Variants in KCTD10 observed in about 807,000 individuals in gnomAD.
KCTD10 encodes the protein BTB/POZ domain-containing adapter for CUL3-mediated RhoA degradation protein 3.
Under a neutral mutation model 34.6 loss-of-function variants are expected in KCTD10, and 13 were observed. The observed-to-expected ratio is 0.38, with a 90% confidence interval of 0.24 to 0.60. KCTD10 has a LOEUF of 0.60. Ranked by LOEUF, KCTD10 falls within the 20% of genes least tolerant of loss-of-function variation. The probability of loss-of-function intolerance (pLI) is 0.66; values close to 1 mark genes in which losing one functional copy is unlikely to be tolerated. For synonymous variants in KCTD10, 156 were observed against 168.8 expected (o/e 0.92, Z 0.59); for missense variants, 256 against 420.3 (o/e 0.61, Z 3.42).
chr12:109,475,059 A>G (rs1874088256), intron 1 of KCTD10, among the ~76,000 whole-genome samples: 1 of 152,196 alleles, frequency 6.6e-6, no homozygotes, highest in Middle Eastern at 3.2e-3. Context: ...CAAAACCCTC[A>G]GAGAATGAAT....
chr12:109,477,219 GCCGCCCTCAACCCCTAGTCCATGGGCA>G lies in KCTD10; in HGVS notation c.3+14_3+40del, dbSNP rs1282903543. The G allele has an allele frequency of 6.2e-7, 1 of 1,611,404 alleles. No homozygotes were observed. Among genetic ancestry groups the G allele is most frequent in the Non-Finnish European group, 8.5e-7 (1 of 1,178,736 alleles). ...ACTCTGCTGCTGCCCAGCTCCCTCGGCCGCCCTCAACCCCTAGTCCATGGGCACCGCCCTCCCTACCATGAAAAGTCG... is the reference window on the plus strand; with the variant it reads ...ACTCTGCTGCTGCCCAGCTCCCTCGGCCGCCCTCCCTACCATGAAAAGTCG... On this transcript the variant is annotated intron_variant, in intron 1 of 6. Transcript: ENST00000228495.
intron 1 of KCTD10, chr12:109,470,583 G>A (rs866624025): frequency 1.3e-5 from 13 of 985,316 alleles, no homozygotes; most frequent in Middle Eastern, 5.2e-4. Context: ...GCAAGGGTGG[G>A]CAGAATCTTT....
chr12:109,458,994 T>C (rs955187809), intron 3 of KCTD10: 2 of 152,180 alleles, frequency 1.3e-5, no homozygotes, highest in African/African-American at 2.4e-5. Context: ...TCAGATTACA[T>C]GTGAAAAGCC....
In KCTD10 at chr12:109,451,856, C is replaced by T; in HGVS notation, c.724-43G>A. The T allele has an allele frequency of 6.5e-7, 1 of 1,535,224 alleles. No homozygotes were observed. Among genetic ancestry groups the T allele is most frequent in the South Asian group, 1.2e-5 (1 of 80,826 alleles). ...ACAGGGCAGGTAAGTTATGGCCCAC[C>T]CCCTCTGCCAACACCTGGACTTTAA... On this transcript the variant is annotated intron_variant, in intron 6 of 6. Coordinates refer to ENST00000228495, the MANE Select transcript of KCTD10 (RefSeq NM_031954.5). This position sits in a 1 kb window ranked among gnomAD's most constrained non-coding sequence, Gnocchi z 5.0.
intron 2 of KCTD10, 95 bp downstream of exon 2, chr12:109,469,420 T>C (rs971417779): frequency 8.9e-6 from 13 of 1,455,890 alleles, no homozygotes; most frequent in South Asian, 2.6e-5. Flanking sequence ...CTCCTACACA[T>C]CTTCAGGTCT....
chr12:109,473,081 T>C (rs191774592), intron 1 of KCTD10, among the ~76,000 whole-genome samples: 234 of 152,318 alleles, frequency 1.5e-3, no homozygotes, highest in African/African-American at 5.5e-3. Context: ...TATTTCCATT[T>C]TGTGGATTTG....
In KCTD10 at chr12:109,456,038, T is replaced by C. The variant is rs923786051; in HGVS notation, c.723+80A>G. The C allele has an allele frequency of 3.0e-6, 4 of 1,312,160 alleles. No homozygotes were observed. In the African/African-American group the frequency reaches 4.4e-5, roughly 14 times the overall value. The allele number at this position is 1,312,160 out of a possible 1,614,324, so 81.3% of individuals were successfully genotyped here. A position where few individuals can be genotyped will look rare whatever the true frequency, so the allele number is the denominator to read the frequency against. On this transcript the variant is annotated intron_variant, in intron 6 of 6. Coordinates refer to ENST00000228495, the MANE Select transcript of KCTD10 (RefSeq NM_031954.5). ...AGCATTTTAAAAGCATTTCCCTCTGTATTGGGCTCAAGTGAAAGGAAGTTC... is the reference window on the plus strand; with the variant it reads ...AGCATTTTAAAAGCATTTCCCTCTGCATTGGGCTCAAGTGAAAGGAAGTTC...
chr12:109,451,895 G>A lies in KCTD10; in HGVS notation c.724-82C>T. Reference sequence around the variant, plus strand: ...CCTGGACTTTAAGCAGGGCCGCCAGGCTAAATCAGGCCCCTGGGATTCTGC... The same window carrying A: ...CCTGGACTTTAAGCAGGGCCGCCAGACTAAATCAGGCCCCTGGGATTCTGC... On this transcript the variant is annotated intron_variant, in intron 6 of 6. Transcript: ENST00000228495. The surrounding 1 kb of genome is among the most constrained non-coding windows in gnomAD (Gnocchi z 5.0). 3 of 1,084,618 alleles carry A rather than the reference G, an allele frequency of 2.8e-6. No homozygotes were observed. The highest frequency in any genetic ancestry group is 3.9e-6 in the Non-Finnish European group (3 of 772,336). The allele number at this position is 1,084,618 out of a possible 1,614,324, so 67.2% of individuals were successfully genotyped here. A position where few individuals can be genotyped will look rare whatever the true frequency, so the allele number is the denominator to read the frequency against.
At chr12:109,462,293 C>A (rs1030949501) in intron 2 of KCTD10, among the ~76,000 whole-genome samples, 1 of 152,224 alleles carries the variant, frequency 6.6e-6, no homozygotes, top group Non-Finnish European at 1.5e-5. Context: ...GTTCCTGGGC[C>A]TTTTGTTAAA....
At position 109,460,885 on chromosome 12, in the gene KCTD10, G is replaced by A. The variant is rs540735362; in HGVS notation, c.218-80C>T. On this transcript the variant is annotated intron_variant, in intron 2 of 6. Transcript: ENST00000228495. The surrounding 1 kb of genome is among the most constrained non-coding windows in gnomAD (Gnocchi z 4.5). ...CCTGAGCAGAGCTGGGGTGTCTCTC[G>A]GCTCCCTCTACCTCCCAGCGGAGAG... 5.0e-6 allele frequency: 7 copies of A among 1,392,108 alleles called. No individual in the cohort carries two copies. The highest frequency in any genetic ancestry group is 7.0e-6 in the Non-Finnish European group (7 of 1,005,320). 86.2% of individuals were successfully genotyped at this position (1,392,108 alleles called of 1,614,324 possible).
intron 3 of KCTD10, chr12:109,459,445 G>C (rs950507107): frequency 2.0e-5 from 3 of 152,198 alleles, no homozygotes; most frequent in East Asian, 3.9e-4. Context: ...GCTGAAGTAG[G>C]AACATATATT....
At chr12:109,471,743 T>G (rs1186067271) in intron 1 of KCTD10, among the ~76,000 whole-genome samples, 1 of 152,026 alleles carries the variant, frequency 6.6e-6, no homozygotes, top group Non-Finnish European at 1.5e-5. Flanking sequence ...TGGGTGAGGG[T>G]GTGTGTTGAG....
intron 2 of KCTD10, among the ~76,000 whole-genome samples, chr12:109,466,074 G>T (rs867522727): frequency 6.6e-6 from 1 of 152,162 alleles, no homozygotes; most frequent in African/African-American, 2.4e-5. Flanking sequence ...AGCATTGTGG[G>T]AACTGAACCT....
chr12:109,461,764 G>C (rs1873339438), intron 2 of KCTD10, among the ~76,000 whole-genome samples: 1 of 152,226 alleles, frequency 6.6e-6, no homozygotes, highest in East Asian at 1.9e-4. Flanking sequence ...CTAAAAAGAA[G>C]CCAGACAGAT....
intron 1 of KCTD10, among the ~76,000 whole-genome samples, chr12:109,471,811 A>G (rs768341946): frequency 1.3e-5 from 2 of 152,254 alleles, no homozygotes; most frequent in Non-Finnish European, 2.9e-5. Flanking sequence ...CTAATTTTAT[A>G]TAATAAATGC....
At position 109,460,638 on chromosome 12, in the gene KCTD10, G is replaced by T; in HGVS notation, c.385C>A (p.Gln129Lys). 1 of 1,613,270 alleles carries T rather than the reference G, an allele frequency of 6.2e-7. No homozygotes were observed. Among genetic ancestry groups the T allele is most frequent in the Non-Finnish European group, 8.5e-7 (1 of 1,179,402 alleles). Residue 129 changes from glutamine (Q) to lysine (K), a missense_variant and splice_region_variant, in exon 3 of 7, where the codon CAA becomes AAA. Gln to Lys is a moderately conservative substitution (Grantham distance 53). Coordinates refer to ENST00000228495, the MANE Select transcript of KCTD10 (RefSeq NM_031954.5). This position sits in a 1 kb window ranked among gnomAD's most constrained non-coding sequence, Gnocchi z 4.5. ...GLVEECQAAL[Q>K]NKDTYEPFCK... ...TGGGAAGAAAGGGTGATGCCTACTT[G>T]TAGGGCCGCCTGGCACTCTTCCACC...
At chr12:109,469,453 G>C (rs1002451634) in intron 2 of KCTD10, 62 bp downstream of exon 2, 13 of 1,570,390 alleles carry the variant, frequency 8.3e-6, no homozygotes, top group Non-Finnish European at 1.0e-5. Flanking sequence ...CACTTCTTCA[G>C]GGAAGCCCTC....
intron 1 of KCTD10, chr12:109,471,339 C>T: frequency 2.0e-6 from 2 of 985,442 alleles, no homozygotes; most frequent in African/African-American, 1.7e-5. Flanking sequence ...CTCCATGGCA[C>T]CCAACAGTGG....
chr12:109,462,808 C>G (rs917733484), intron 2 of KCTD10, among the ~76,000 whole-genome samples: 4 of 152,154 alleles, frequency 2.6e-5, no homozygotes, highest in Admixed American at 2.6e-4. Flanking sequence ...CTAATTAAAA[C>G]AAAACAAAAC....
Sources: allele counts gnomAD v4.1 joint callset (sites outside exome capture counted in the v4.1 genomes callset), GRCh38; gene constraint gnomAD v4.1.1; non-coding constraint Gnocchi (gnomAD v3.1); transcripts MANE v1.5; gene names NCBI Gene and HGNC (gene_info 2026-07-23, HGNC 2026-07-21).